Variants in KIF1A observed in about 807,000 individuals in gnomAD.
The protein encoded by KIF1A is kinesin family member 1A.
KIF1A carries 46 observed loss-of-function variants against 227.3 expected under a neutral mutation model. That is an observed-to-expected ratio of 0.20 (90% confidence interval 0.16 to 0.26). KIF1A has a LOEUF of 0.26. Ranked by LOEUF, KIF1A falls within the 10% of genes least tolerant of loss-of-function variation. The pLI, the probability that KIF1A is intolerant of heterozygous loss-of-function variation, is 1.00. For synonymous variants in KIF1A, 1,022 were observed against 1,012.8 expected (o/e 1.01, Z -0.17); for missense variants, 1,683 against 2,485.9 (o/e 0.68, Z 6.87).
At chr2:240,747,067 A>C (rs2048687798) in intron 29 of KIF1A, among the ~76,000 whole-genome samples, 169 bp downstream of exon 29, 2 of 152,150 alleles carry the variant, frequency 1.3e-5, no homozygotes, top group Admixed American at 1.3e-4. Context: ...AAAGGGGCGC[A>C]GTGTGCTTAG....
chr2:240,769,012 T>G (rs2051574652), intron 17 of KIF1A, 121 bp downstream of exon 17: 1 of 847,554 alleles, frequency 1.2e-6, no homozygotes, highest in Non-Finnish European at 2.0e-6. Flanking sequence ...CCCCAGTGCC[T>G]GGGCCAGAGC....
chr2:240,718,167 G>A lies in KIF1A; in HGVS notation c.5216C>T (p.Thr1739Ile), dbSNP rs371267255. 13 of 1,595,426 alleles carry A rather than the reference G, an allele frequency of 8.1e-6. No individual in the cohort carries two copies. The highest frequency in any genetic ancestry group is 1.3e-5 in the African/African-American group (1 of 74,552). Residue 1739 changes from threonine to isoleucine, a missense_variant and splice_region_variant, in exon 48 of 49, where the codon ACA (threonine) becomes ATA (isoleucine). By Grantham distance (89) the Thr-to-Ile change is moderately conservative. This residue lies in a region of KIF1A where 384 missense variants were observed against 410.1 expected (regional missense o/e 0.94). Coordinates refer to ENST00000498729, the MANE Select transcript of KIF1A (RefSeq NM_001244008.2). ...CGTGCACACCGCGAATGTGTTGGGT[G>A]TCTGCAGAGGGAGGCAGCTGGTGAG... ...YSEDQQAMLK[T>I]PNTFAVCTEH...
chr2:240,759,003 T>TAGGG (rs2050187156), intron 25 of KIF1A, among the ~76,000 whole-genome samples: 1 of 152,122 alleles, frequency 6.6e-6, no homozygotes, highest in African/African-American at 2.4e-5. Context: ...CCCCTAGATC[T>TAGGG]CAGGTATAAG....
chr2:240,786,690 GGATGGGA>G (rs2054843381), intron 5 of KIF1A, among the ~76,000 whole-genome samples, 177 bp from the exon 6 acceptor site: 1 of 141,274 alleles, frequency 7.1e-6, no homozygotes, highest in African/African-American at 2.5e-5. Context: ...ACCCCTGAGG[GGATGGGA>G]GCCAGCATCA....
Position 240,781,751 on chromosome 2 carries a change from C to T in KIF1A, c.882+839G>A, listed in dbSNP as rs1575621705. 3 of 985,312 alleles carry T rather than the reference C, an allele frequency of 3.0e-6. No homozygotes were observed. The East Asian group carries it at 3.4e-4, about 112-fold the overall frequency. The allele number at this position is 985,312 out of a possible 1,614,324, so 61.0% of individuals were successfully genotyped here. A position where few individuals can be genotyped will look rare whatever the true frequency, so the allele number is the denominator to read the frequency against. ...CCTCTCCCGTTCCCACACAGTTCCCCACACAGTTCCCCACAGGGGCCCTCA... is the reference window on the plus strand; with the variant it reads ...CCTCTCCCGTTCCCACACAGTTCCCTACACAGTTCCCCACAGGGGCCCTCA... On this transcript the variant is annotated intron_variant, in intron 10 of 48. Transcript: ENST00000498729.
In KIF1A at chr2:240,752,784, C is replaced by T. The variant is rs1342151298; in HGVS notation, c.2859-2237G>A. 6.6e-6 allele frequency among the ~76,000 whole-genome samples: 1 copy of T among 152,112 alleles called. No homozygotes were observed. Among genetic ancestry groups the T allele is most frequent in the Non-Finnish European group, 1.5e-5 (1 of 68,022 alleles). ...AAGGGCACTGAGGATGAAGAGACTGCCCCCACCCCACTCTGCAGGAAGCCC... is the reference window on the plus strand; with the variant it reads ...AAGGGCACTGAGGATGAAGAGACTGTCCCCACCCCACTCTGCAGGAAGCCC... On this transcript the variant is annotated intron_variant, in intron 27 of 48. Coordinates refer to ENST00000498729, the MANE Select transcript of KIF1A (RefSeq NM_001244008.2). The surrounding 1 kb of genome is among the most constrained non-coding windows in gnomAD (Gnocchi z 6.4).
chr2:240,768,982 A>T, intron 17 of KIF1A, 151 bp downstream of exon 17: 1 of 691,724 alleles, frequency 1.4e-6, no homozygotes, highest in Non-Finnish European at 2.6e-6. Context: ...GCAAAGTGTG[A>T]CTATGGGTGA....
intron 38 of KIF1A, chr2:240,728,335 G>C (rs1182427800): frequency 2.6e-6 from 3 of 1,148,378 alleles, no homozygotes; most frequent in Non-Finnish European, 3.5e-6. Context: ...AAGGAACTCG[G>C]AAGAGCAGAA....
chr2:240,769,655 G>T lies in KIF1A; in HGVS notation c.1393C>A (p.Arg465=), dbSNP rs748516266. The change falls in exon 16 of 49, where the codon CGG becomes AGG. Residue 465 remains arginine (R), a synonymous_variant. Transcript: ENST00000498729. ...ELNETWEEKL[R]RTEAIRMERE... is the part of the protein sequence containing the mutation. ...TCCATCCGGATGGCTTCTGTCCGCC[G>T]CAGCTTCTCCTCCCAGGTCTCATTG... The T allele has an allele frequency of 1.2e-6, 2 of 1,613,348 alleles. No homozygotes were observed. The highest frequency in any genetic ancestry group is 8.5e-7 in the Non-Finnish European group (1 of 1,179,696).
At chr2:240,751,035 G>A (rs947803104) in intron 27 of KIF1A, among the ~76,000 whole-genome samples, 2 of 152,040 alleles carry the variant, frequency 1.3e-5, no homozygotes, top group African/African-American at 2.4e-5. Flanking sequence ...TGGGAGCTCC[G>A]AGGTGAGTTG....
At chr2:240,754,920 G>C (rs1281962514) in intron 27 of KIF1A, among the ~76,000 whole-genome samples, 1 of 152,092 alleles carries the variant, frequency 6.6e-6, no homozygotes, top group Non-Finnish European at 1.5e-5. Context: ...CCTCGAGCTG[G>C]AGCAACGTTT....
rs2050150271 is a variant in KIF1A at position 240,758,648 on chromosome 2, A to T, written c.2445-151T>A. Among the ~76,000 whole-genome samples, 1 of 152,204 alleles carries T rather than the reference A, an allele frequency of 6.6e-6. No homozygotes were observed. The highest frequency in any genetic ancestry group is 2.1e-4 in the South Asian group (1 of 4,834). ...TCAAGGTCCAGGGGGCTTGCTAGAC[A>T]GACCCCCTCTGTGACCCTTAGAGCT... On this transcript the variant is annotated intron_variant, in intron 25 of 48. Coordinates refer to ENST00000498729, the MANE Select transcript of KIF1A (RefSeq NM_001244008.2). This position sits in a 1 kb window ranked among gnomAD's most constrained non-coding sequence, Gnocchi z 5.2.
intron 1 of KIF1A, among the ~76,000 whole-genome samples, chr2:240,807,248 C>T (rs893485042): frequency 1.1e-4 from 17 of 151,864 alleles, no homozygotes; most frequent in Non-Finnish European, 2.2e-4. Flanking sequence ...CGGGTTCAAG[C>T]GATTCTCCTG....
intron 5 of KIF1A, among the ~76,000 whole-genome samples, chr2:240,786,882 T>C (rs951846715): frequency 9.3e-6 from 1 of 107,104 alleles, no homozygotes; most frequent in African/African-American, 3.5e-5. Context: ...TGTGTGTATG[T>C]TCGAGGCAGG....
At chr2:240,811,159 A>G in intron 1 of KIF1A, among the ~76,000 whole-genome samples, 1 of 152,142 alleles carries the variant, frequency 6.6e-6, no homozygotes, top group Admixed American at 6.5e-5. Flanking sequence ...GTCAGGAGTT[A>G]GTGGCCACCC....
Position 240,772,560 on chromosome 2 carries a change from G to C in KIF1A, c.1207+10C>G. 1 of 1,548,090 alleles carries C rather than the reference G, an allele frequency of 6.5e-7. No individual in the cohort carries two copies. Among genetic ancestry groups the C allele is most frequent in the Non-Finnish European group, 8.7e-7 (1 of 1,144,822 alleles). On this transcript the variant is annotated intron_variant, in intron 14 of 48. Coordinates refer to ENST00000498729, the MANE Select transcript of KIF1A (RefSeq NM_001244008.2). ...GCAGAGATGCAGAGAGCAGCAAAGGGAATACACACATTTGGGTCCTCCAGG... is the reference window on the plus strand; with the variant it reads ...GCAGAGATGCAGAGAGCAGCAAAGGCAATACACACATTTGGGTCCTCCAGG...
chr2:240,743,833 G>A (rs2048279800), intron 33 of KIF1A, 109 bp downstream of exon 33: 1 of 709,272 alleles, frequency 1.4e-6, no homozygotes, highest in South Asian at 1.9e-5. Context: ...CAGGGGAGGT[G>A]GGTTTCAGGG....
intron 10 of KIF1A, among the ~76,000 whole-genome samples, chr2:240,776,511 C>T (rs765751918): frequency 1.2e-4 from 18 of 152,242 alleles, no homozygotes; most frequent in Non-Finnish European, 1.2e-4. Context: ...CCATCCCTCC[C>T]CTCAGAATGA....
chr2:240,770,933 A>G, intron 15 of KIF1A, 38 bp downstream of exon 15: 1 of 1,603,180 alleles, frequency 6.2e-7, no homozygotes, highest in East Asian at 2.2e-5. Flanking sequence ...CCCCACTCCC[A>G]GAGTCTGACA....
Sources: gnomAD v4.1 joint callset for allele counts (sites outside exome capture counted in the v4.1 genomes callset) on GRCh38, gnomAD v4.1.1 for gene constraint, gnomAD v4.1.1 regional missense constraint, Gnocchi (gnomAD v3.1) non-coding constraint, MANE v1.5 for transcripts, NCBI Gene and HGNC (gene_info 2026-07-23, HGNC 2026-07-21) for gene names.